SLC19A1: variants seen among roughly 807,000 people sequenced by gnomAD.
The protein encoded by SLC19A1 is reduced folate transporter.
In SLC19A1, 37 loss-of-function variants were observed where a neutral mutation model predicts 35.3. The ratio of observed to expected loss-of-function variants is 1.05; its 90% CI spans 0.81 to 1.38. SLC19A1 has a LOEUF of 1.38. Among genes scored for constraint, SLC19A1 ranks in the 40% most tolerant of loss-of-function variants. SLC19A1 has a pLI of 0.00. For missense variants in SLC19A1, 831 were observed against 826.9 expected (o/e 1.00, Z -0.06); for synonymous variants, 460 against 398.5 (o/e 1.15, Z -1.84).
At chr21:45,548,465 C>A (rs1007450309), upstream of SLC19A1, among the ~76,000 whole-genome samples, 3 of 152,114 alleles carry the variant, frequency 2.0e-5, no homozygotes, top group Non-Finnish European at 2.9e-5. Context: ...CAAAAGAGGC[C>A]GGGCGCAGTG....
rs1224834844 is a variant in SLC19A1, at chr21:45,517,679, G to A, written c.1294-1539C>T. On this transcript the variant is annotated intron_variant, in intron 5 of 5. Transcript: ENST00000311124. This position sits in a 1 kb window ranked among gnomAD's most constrained non-coding sequence, Gnocchi z 4.4. ...CCTGTCCCCCTCCATGCTGGGGGGT[G>A]TCAGAGGAGGTCAAGCGGGAGTCCA... Among the ~76,000 whole-genome samples, 1 of 152,116 alleles carries A rather than the reference G, an allele frequency of 6.6e-6. No homozygotes were observed. The highest frequency in any genetic ancestry group is 1.9e-4 in the East Asian group (1 of 5,196).
intron 3 of SLC19A1, chr21:45,504,532 C>T (rs2037068049): frequency 1.3e-6 from 2 of 1,570,590 alleles, no homozygotes; most frequent in East Asian, 2.3e-5. Context: ...GCCCCCCAGG[C>T]CCACGTGGCT....
rs757569237 is a variant in SLC19A1 at position 45,537,921 on chromosome 21, G to A, written c.39C>T (p.Pro13=). Residue 13 remains proline (P), a synonymous_variant, in exon 2 of 6, where the codon CCC becomes CCT. Coordinates refer to ENST00000311124, the MANE Select transcript of SLC19A1 (RefSeq NM_194255.4). ...PSSPAVEKQV[P]VEPGPDPELR... is the part of the protein sequence containing the mutation. Reference sequence around the variant, plus strand: ...GCTCGGGGTCAGGCCCAGGTTCCACGGGCACCTGCTTCTCCACCGCTGGGC... The same window carrying A: ...GCTCGGGGTCAGGCCCAGGTTCCACAGGCACCTGCTTCTCCACCGCTGGGC... 6.2e-5 allele frequency: 98 copies of A among 1,589,690 alleles called. No individual in the cohort carries two copies. Among genetic ancestry groups the A allele is most frequent in the Middle Eastern group, 1.7e-4 (1 of 6,040 alleles).
chr21:45,528,448 G>T (rs931795670), intron 4 of SLC19A1, among the ~76,000 whole-genome samples: 1 of 152,078 alleles, frequency 6.6e-6, no homozygotes, highest in African/African-American at 2.4e-5. Flanking sequence ...ACAGCAGGCC[G>T]GCCGGCCTCA....
chr21:45,543,603 C>T (rs960896834), upstream of SLC19A1, among the ~76,000 whole-genome samples: 1 of 152,232 alleles, frequency 6.6e-6, no homozygotes, highest in Non-Finnish European at 1.5e-5. Flanking sequence ...GGGCCCTTGC[C>T]CTAAATGGCC....
chr21:45,511,519 T>C (rs2037607436), downstream of SLC19A1, among the ~76,000 whole-genome samples: 1 of 152,020 alleles, frequency 6.6e-6, no homozygotes, highest in Non-Finnish European at 1.5e-5. Context: ...AAGCCTGTGG[T>C]CAGCCATGTA....
At chr21:45,560,905 C>G (rs977190492) in intron 1 of SLC19A1, among the ~76,000 whole-genome samples, 1 of 152,250 alleles carries the variant, frequency 6.6e-6, no homozygotes, top group Non-Finnish European at 1.5e-5. Flanking sequence ...GGCGCTCTCA[C>G]GGCTGGCGGA....
chr21:45,506,246 T>C (rs1232430832), intron 3 of SLC19A1: 3 of 461,336 alleles, frequency 6.5e-6, no homozygotes, highest in Admixed American at 3.4e-5. Context: ...CAAAGATAAA[T>C]GTCACCTCAC....
chr21:45,532,163 G>C lies in SLC19A1; in HGVS notation c.190-15C>G, dbSNP rs761912972. On this transcript the variant is annotated splice_polypyrimidine_tract_variant and intron_variant, in intron 2 of 5. Coordinates refer to ENST00000311124, the MANE Select transcript of SLC19A1 (RefSeq NM_194255.4). Reference sequence around the variant, plus strand: ...TCGTTCGTGACCTGCGGACAGGCGGGCGTGCGCCCCACCAGGTGTTAGCAA... The same window carrying C: ...TCGTTCGTGACCTGCGGACAGGCGGCCGTGCGCCCCACCAGGTGTTAGCAA... 6 of 1,572,824 alleles carry C rather than the reference G, an allele frequency of 3.8e-6. No homozygotes were observed. The East Asian group carries it at 1.4e-4, about 35-fold the overall frequency.
At chr21:45,510,007 G>A, downstream of SLC19A1, 16 of 1,522,180 alleles carry the variant, frequency 1.1e-5, no homozygotes, top group Non-Finnish European at 1.4e-5. Context: ...TGCGCCCGGG[G>A]CCTGGGTGCA....
At chr21:45,532,309 G>A (rs1041718843) in intron 2 of SLC19A1, among the ~76,000 whole-genome samples, 161 bp from the exon 3 acceptor site, 7 of 152,198 alleles carry the variant, frequency 4.6e-5, no homozygotes, top group African/African-American at 1.4e-4. Flanking sequence ...CCACTGCATC[G>A]TCCTCTCTGA....
At chr21:45,510,982 A>T, downstream of SLC19A1, 8 of 14,392 alleles carry the variant, frequency 5.6e-4, 3 homozygotes, top group South Asian at 9.9e-4. Context: ...AACACCCCCC[A>T]CACCCCACAC....
At chr21:45,551,009 C>T (rs2078460825) in intron 1 of SLC19A1, among the ~76,000 whole-genome samples, 1 of 150,762 alleles carries the variant, frequency 6.6e-6, no homozygotes, top group Non-Finnish European at 1.5e-5. Flanking sequence ...CACCCACTTC[C>T]TCCTCTACCT....
intron 2 of SLC19A1, among the ~76,000 whole-genome samples, chr21:45,536,902 C>G (rs748366308): frequency 2.0e-5 from 3 of 152,128 alleles, no homozygotes; most frequent in Non-Finnish European, 4.4e-5. Flanking sequence ...GCCTTATGGA[C>G]AAGGACCCCA....
intron 4 of SLC19A1, among the ~76,000 whole-genome samples, chr21:45,529,685 A>G (rs999403238): frequency 2.0e-5 from 3 of 149,070 alleles, no homozygotes; most frequent in African/African-American, 7.5e-5. Context: ...ATGTGTGAGC[A>G]TGTGTTGTGT....
chr21:45,560,210 G>T (rs1313233187), intron 1 of SLC19A1, among the ~76,000 whole-genome samples: 1 of 152,142 alleles, frequency 6.6e-6, no homozygotes, highest in Non-Finnish European at 1.5e-5. Context: ...TCCTCTCCAG[G>T]ATCCACCCCC....
chr21:45,539,142 A>G (rs2078226170), intron 1 of SLC19A1, among the ~76,000 whole-genome samples: 2 of 152,242 alleles, frequency 1.3e-5, no homozygotes. Context: ...CAAGTAAGTC[A>G]AAAGTGAACT....
intron 3 of SLC19A1, among the ~76,000 whole-genome samples, chr21:45,504,905 C>T (rs886284209): frequency 8.5e-5 from 11 of 129,360 alleles, no homozygotes; most frequent in Admixed American, 3.6e-4. Flanking sequence ...TGCCTGGGGG[C>T]CCACACTGTT....
Position 45,515,336 on chromosome 21 carries a change from G to T in SLC19A1, c.*322C>A. ...CCAAGAGGCCACTTCACTAGCCCTG[G>T]GGGGCAGAAAGGATTTGTCTCAAGC... On this transcript the variant is annotated 3_prime_UTR_variant, in exon 6 of 6. Transcript: ENST00000311124. 1 of 1,444,664 alleles carries T rather than the reference G, an allele frequency of 6.9e-7. No individual in the cohort carries two copies. Among genetic ancestry groups the T allele is most frequent in the Non-Finnish European group, 9.0e-7 (1 of 1,109,600 alleles). 89.5% of individuals were successfully genotyped at this position (1,444,664 alleles called of 1,614,324 possible). A position where few individuals can be genotyped will look rare whatever the true frequency, so the allele number is the denominator to read the frequency against.
Sources: gnomAD v4.1 joint callset for allele counts (sites outside exome capture counted in the v4.1 genomes callset) on GRCh38, gnomAD v4.1.1 for gene constraint, Gnocchi (gnomAD v3.1) non-coding constraint, MANE v1.5 for transcripts, NCBI Gene and HGNC (gene_info 2026-07-23, HGNC 2026-07-21) for gene names.